Variants in TBC1D14 observed in about 807,000 individuals in gnomAD.
TBC1D14 encodes the protein TBC1 domain family, member 14.
Under a neutral mutation model 79.0 loss-of-function variants are expected in TBC1D14, and 26 were observed. The ratio of observed to expected loss-of-function variants is 0.33; its 90% CI spans 0.24 to 0.46. The LOEUF (loss-of-function observed/expected upper bound fraction) is 0.46. Among genes scored for constraint, TBC1D14 ranks in the 20% least tolerant of loss-of-function variants. The pLI is 1.00. For missense variants in TBC1D14, 769 were observed against 887.6 expected (o/e 0.87, Z 1.70); for synonymous variants, 394 against 349.9 (o/e 1.13, Z -1.40).
intron 3 of TBC1D14, among the ~76,000 whole-genome samples, chr4:6,988,382 G>A (rs1718101284): frequency 2.0e-5 from 3 of 152,240 alleles, no homozygotes; most frequent in Non-Finnish European, 2.9e-5. Flanking sequence ...TAATCTTCAA[G>A]TGTAACAGAT....
chr4:7,015,367 G>A (rs1036937276), intron 12 of TBC1D14, among the ~76,000 whole-genome samples: 1 of 152,196 alleles, frequency 6.6e-6, no homozygotes, highest in Non-Finnish European at 1.5e-5. Context: ...CTTGACTGCG[G>A]TTGGGGAAGG....
intron 2 of TBC1D14, among the ~76,000 whole-genome samples, chr4:6,948,360 G>T (rs1713683253): frequency 6.6e-6 from 1 of 152,188 alleles, no homozygotes; most frequent in Non-Finnish European, 1.5e-5. Context: ...GCCCTCTCAT[G>T]TCTGGCTTTC....
chr4:7,021,705 T>A (rs908490400), intron 12 of TBC1D14, among the ~76,000 whole-genome samples: 35 of 152,290 alleles, frequency 2.3e-4, no homozygotes, highest in Middle Eastern at 3.4e-3. Context: ...TTATTACTTT[T>A]AAAAAAATAC....
chr4:6,979,115 T>A (rs892805785), intron 3 of TBC1D14, among the ~76,000 whole-genome samples: 9 of 151,478 alleles, frequency 5.9e-5, no homozygotes, highest in African/African-American at 2.2e-4. Flanking sequence ...TACAAAGAGA[T>A]GGCAAAAAAC....
chr4:6,948,291 C>A (rs962246686), intron 2 of TBC1D14, among the ~76,000 whole-genome samples: 2 of 152,238 alleles, frequency 1.3e-5, no homozygotes, highest in Non-Finnish European at 2.9e-5. Flanking sequence ...AACCACTGTT[C>A]TGACTCTGTC....
chr4:7,014,643 C>T, intron 12 of TBC1D14, 86 bp downstream of exon 12: 1 of 916,028 alleles, frequency 1.1e-6, no homozygotes, highest in Non-Finnish European at 1.7e-6. Flanking sequence ...TTCTTCATGG[C>T]CCGGCTGAGT....
chr4:6,967,285 T>C lies in TBC1D14; in HGVS notation c.723-19T>C. 6.2e-7 allele frequency: 1 copy of C among 1,612,394 alleles called. No homozygotes were observed. The highest frequency in any genetic ancestry group is 8.5e-7 in the Non-Finnish European group (1 of 1,179,592). ...GAATTACCCAGAAATGCCCTAACCT[T>C]GTTATTTTCTTCCTATAGGAACTTG... On this transcript the variant is annotated intron_variant, in intron 2 of 13. Transcript: ENST00000409757.
chr4:6,987,267 CGGGAGGGA>C (rs1000345297), intron 3 of TBC1D14: 1 of 1,303,332 alleles, frequency 7.7e-7, no homozygotes, highest in East Asian at 3.2e-5. Flanking sequence ...GCCCGCGGTC[CGGGAGGGA>C]GGGAGGGAGG....
intron 3 of TBC1D14, among the ~76,000 whole-genome samples, chr4:6,988,912 A>G (rs1477979175): frequency 4.8e-5 from 3 of 63,110 alleles, no homozygotes; most frequent in South Asian, 4.9e-4. Context: ...TTTTTTTGAG[A>G]CAGGGTCTTG....
chr4:7,024,995 AC>A lies in TBC1D14; in HGVS notation c.1758-4del. On this transcript the variant is annotated splice_polypyrimidine_tract_variant and splice_region_variant and intron_variant, in intron 12 of 13. Coordinates refer to ENST00000409757, the MANE Select transcript of TBC1D14 (RefSeq NM_020773.3). ...CAAAATCTGAAAAATTCCAACTTTT[AC>A]CCCCTAGGATCTTTACCTTATATAG... 1.2e-6 allele frequency: 2 copies of A among 1,611,314 alleles called. No individual in the cohort carries two copies. The highest frequency in any genetic ancestry group is 8.5e-7 in the Non-Finnish European group (1 of 1,178,304).
rs756045867 is a variant in TBC1D14, at chr4:6,936,483, CAAT to C, written c.722+12373_722+12375del. 5.3e-5 allele frequency among the ~76,000 whole-genome samples: 8 copies of C among 152,176 alleles called. No individual in the cohort carries two copies. The South Asian group carries it at 6.2e-4, about 12-fold the overall frequency. Reference sequence around the variant, plus strand: ...TGATAGCTCATTTCTTTTTAGCACTCAATGATGTTTCACTGCATGTATGTACCG... The same window carrying C: ...TGATAGCTCATTTCTTTTTAGCACTCGATGTTTCACTGCATGTATGTACCG... On this transcript the variant is annotated intron_variant, in intron 2 of 13. Coordinates refer to ENST00000409757, the MANE Select transcript of TBC1D14 (RefSeq NM_020773.3).
intron 2 of TBC1D14, among the ~76,000 whole-genome samples, chr4:6,939,899 G>T (rs1260375021): frequency 1.3e-5 from 2 of 152,224 alleles, no homozygotes; most frequent in East Asian, 3.9e-4. Flanking sequence ...GGACACAGTG[G>T]AGACGAAGGC....
chr4:6,941,787 C>T (rs1244882871), intron 2 of TBC1D14, among the ~76,000 whole-genome samples: 1 of 152,194 alleles, frequency 6.6e-6, no homozygotes, highest in Non-Finnish European at 1.5e-5. Context: ...CGTCAGACCT[C>T]CTGTGTTCAT....
intron 2 of TBC1D14, among the ~76,000 whole-genome samples, chr4:6,936,421 T>G (rs1346795945): frequency 6.6e-6 from 1 of 152,244 alleles, no homozygotes; most frequent in East Asian, 1.9e-4. Flanking sequence ...ACTGGCTTCT[T>G]TTACTTAGTA....
At chr4:7,018,311 G>A (rs1349502844) in intron 12 of TBC1D14, among the ~76,000 whole-genome samples, 2 of 152,158 alleles carry the variant, frequency 1.3e-5, no homozygotes, top group Non-Finnish European at 2.9e-5. Flanking sequence ...TGAGGGGCCT[G>A]TGGGTGTGGC....
chr4:7,004,696 G>C (rs561283303), intron 7 of TBC1D14, 148 bp from the exon 8 acceptor site: 144 of 642,872 alleles, frequency 2.2e-4, no homozygotes, highest in African/African-American at 2.0e-3. Context: ...GGCCAAGTTG[G>C]GGGGAATTGT....
rs760835209 is a variant in TBC1D14, at chr4:6,923,412, C to T, written c.23C>T (p.Thr8Ile). The T allele has an allele frequency of 3.7e-6, 6 of 1,609,746 alleles. No homozygotes were observed. In the East Asian group the frequency reaches 6.7e-5, roughly 18 times the overall value. The change falls in exon 2 of 14, where the codon ACC (threonine) becomes ATC (isoleucine). Residue 8 changes from threonine to isoleucine, a missense_variant. By Grantham distance (89) the Thr-to-Ile change is moderately conservative (BLOSUM62 -1). This residue lies in a region of TBC1D14 where 402 missense variants were observed against 393.2 expected (regional missense o/e 1.02). Transcript: ENST00000409757. MTDGKLS[T>I]STNGVAFMGI... Reference sequence around the variant, plus strand: ...AAGATGACTGATGGAAAACTCTCCACCTCTACAAATGGCGTAGCCTTCATG... The same window carrying T: ...AAGATGACTGATGGAAAACTCTCCATCTCTACAAATGGCGTAGCCTTCATG...
Position 6,923,745 on chromosome 4 carries a change from A to T in TBC1D14, c.356A>T (p.Glu119Val). ...GCGCCACCAGCTCCTAGCAGCACCG[A>T]GCGGGAACAGAGCGTGCGCAAATCC... ...SCAPPAPSST[E>V]REQSVRKSST... The change falls in exon 2 of 14, where the codon GAG becomes GTG. Residue 119 changes from glutamate to valine, a missense_variant. Physicochemically the swap from Glu to Val is moderately radical, Grantham distance 121. Around this residue, in one of 2 missense-constraint regions of TBC1D14, gnomAD observed 402 missense variants for 393.2 expected, o/e 1.02. Transcript: ENST00000409757. 6.2e-7 allele frequency: 1 copy of T among 1,613,998 alleles called. No homozygotes were observed. The highest frequency in any genetic ancestry group is 8.5e-7 in the Non-Finnish European group (1 of 1,180,048).
chr4:6,913,748 T>C (rs1336730060), intron 1 of TBC1D14, among the ~76,000 whole-genome samples: 4 of 152,226 alleles, frequency 2.6e-5, no homozygotes, highest in African/African-American at 9.7e-5. Context: ...TCCCAGTCAC[T>C]TCACAGCTAC....
Sources: allele counts gnomAD v4.1 joint callset (sites outside exome capture counted in the v4.1 genomes callset), GRCh38; gene constraint gnomAD v4.1.1; regional missense constraint gnomAD v4.1.1; transcripts MANE v1.5; gene names NCBI Gene and HGNC (gene_info 2026-07-23, HGNC 2026-07-21).